Variants in OSGEPL1 observed in about 807,000 individuals in gnomAD.
The protein encoded by OSGEPL1 is O-sialoglycoprotein endopeptidase like 1.
A neutral mutation model predicts 37.2 loss-of-function variants in OSGEPL1; 26 were observed. The ratio of observed to expected loss-of-function variants is 0.70; its 90% CI spans 0.51 to 0.97. OSGEPL1 has a LOEUF of 0.97. OSGEPL1 is among the 50% of genes least tolerant of loss of function. OSGEPL1 has a pLI of 0.00. For missense variants in OSGEPL1, 404 were observed against 487.0 expected, an observed-to-expected ratio of 0.83 and a Z score of 1.60; for synonymous variants, 140 against 159.9, an observed-to-expected ratio of 0.88 and a Z score of 0.94.
intron 7 of OSGEPL1, among the ~76,000 whole-genome samples, chr2:189,750,893 G>A (rs1246929655): frequency 6.6e-6 from 1 of 152,098 alleles, no homozygotes; most frequent in Non-Finnish European, 1.5e-5. Context: ...CAGTTTTGCT[G>A]TTCTCAAATA....
At chr2:189,750,978 A>T (rs1054388639) in intron 7 of OSGEPL1, among the ~76,000 whole-genome samples, 1 of 152,372 alleles carries the variant, frequency 6.6e-6, no homozygotes, top group South Asian at 2.1e-4. Context: ...ACAAAGCTAA[A>T]AAGGTAAAAA....
intron 8 of OSGEPL1, 160 bp downstream of exon 8, chr2:189,750,390 T>C: frequency 2.4e-6 from 1 of 415,126 alleles, no homozygotes; most frequent in East Asian, 4.3e-5. Context: ...AAAAACTATC[T>C]TCCCTTGTAA....
chr2:189,748,225 CAG>C (rs1238905295), intron 8 of OSGEPL1, among the ~76,000 whole-genome samples: 1 of 152,118 alleles, frequency 6.6e-6, no homozygotes, highest in Non-Finnish European at 1.5e-5. Context: ...CTGTTTAAGA[CAG>C]GGTCTTGCTC....
At chr2:189,748,843 G>C (rs1353193023) in intron 8 of OSGEPL1, among the ~76,000 whole-genome samples, 6 of 152,154 alleles carry the variant, frequency 3.9e-5, no homozygotes, top group Non-Finnish European at 8.8e-5. Flanking sequence ...CAGGTTATCA[G>C]AGTTTCTTTG....
At chr2:189,750,777 G>T (rs2045046501) in intron 7 of OSGEPL1, 121 bp from the exon 8 acceptor site, 1 of 657,854 alleles carries the variant, frequency 1.5e-6, no homozygotes, top group African/African-American at 1.9e-5. Flanking sequence ...ATCATATGTG[G>T]TGATGATTCT....
intron 2 of OSGEPL1, among the ~76,000 whole-genome samples, chr2:189,755,795 G>C (rs116782323): frequency 0.017 from 2,516 of 152,232 alleles, 67 homozygotes; most frequent in African/African-American, 0.057. Context: ...CCATGGATTT[G>C]TTTGTTGACA....
In OSGEPL1 at chr2:189,761,629, C is replaced by CCT; in HGVS notation, c.11_12insAG (p.Thr5GlyfsTer20). ...TAAAAAAAACTCCTGCAGTCTTAGT[C>CCT]AAGATTAGCATACTTACTCTATAGA... On this transcript the variant is annotated frameshift_variant, in exon 2 of 9. Coordinates refer to ENST00000264151, the MANE Select transcript of OSGEPL1 (RefSeq NM_022353.3). LOFTEE classifies it high-confidence loss of function. 6.3e-7 allele frequency: 1 copy of CCT among 1,596,758 alleles called. No individual in the cohort carries two copies. The highest frequency in any genetic ancestry group is 8.5e-7 in the Non-Finnish European group (1 of 1,173,596).
In OSGEPL1 at chr2:189,755,543, G is replaced by A; in HGVS notation, c.239C>T (p.Pro80Leu). Residue 80 changes from proline to leucine, a missense_variant, in exon 3 of 9, where the codon CCT (proline) becomes CTT (leucine). Pro to Leu is a moderately conservative substitution (Grantham distance 98). Coordinates refer to ENST00000264151, the MANE Select transcript of OSGEPL1 (RefSeq NM_022353.3). ...EVHLKTGGIV[P>L]PAAQQLHREN... Reference sequence around the variant, plus strand: ...TCTGTGAAGCTGTTGAGCTGCTGGAGGAACAATCCCACCTGTTCTGAAAGA... The same window carrying A: ...TCTGTGAAGCTGTTGAGCTGCTGGAAGAACAATCCCACCTGTTCTGAAAGA... 3 of 1,596,344 alleles carry A rather than the reference G, an allele frequency of 1.9e-6. No individual in the cohort carries two copies. The highest frequency in any genetic ancestry group is 1.7e-6 in the Non-Finnish European group (2 of 1,175,426).
At chr2:189,752,563 T>TGAG in intron 7 of OSGEPL1, 90 bp downstream of exon 7, 1 of 1,209,934 alleles carries the variant, frequency 8.3e-7, no homozygotes, top group Non-Finnish European at 1.2e-6. Flanking sequence ...ACCACCAGAA[T>TGAG]GTCAATGAAA....
chr2:189,756,217 T>G (rs946147899), intron 2 of OSGEPL1, among the ~76,000 whole-genome samples: 3 of 152,102 alleles, frequency 2.0e-5, no homozygotes, highest in African/African-American at 7.2e-5. Context: ...TGAAATACAG[T>G]TTGGGAATCT....
intron 7 of OSGEPL1, among the ~76,000 whole-genome samples, chr2:189,751,943 C>T (rs1488108392): frequency 2.7e-5 from 4 of 150,460 alleles, no homozygotes; most frequent in African/African-American, 7.3e-5. Flanking sequence ...GCCTGGAGTT[C>T]GAGACCAGCC....
At chr2:189,751,397 T>C (rs891142625) in intron 7 of OSGEPL1, among the ~76,000 whole-genome samples, 8 of 151,830 alleles carry the variant, frequency 5.3e-5, no homozygotes, top group African/African-American at 9.7e-5. Context: ...ATGTAATTCA[T>C]ATATAGCACA....
rs754491095 is a variant in OSGEPL1 at position 189,754,082 on chromosome 2, TA to T, written c.815-19del. 6.2e-7 allele frequency: 1 copy of T among 1,612,064 alleles called. No individual in the cohort carries two copies. Among genetic ancestry groups the T allele is most frequent in the South Asian group, 1.1e-5 (1 of 90,980 alleles). On this transcript the variant is annotated intron_variant, in intron 4 of 8. Transcript: ENST00000264151. ...CTCAATACCTGCAGAAATGAGCAGCTATTTTTAGGCACAATCCAGGAATATT... is the reference window on the plus strand; with the variant it reads ...CTCAATACCTGCAGAAATGAGCAGCTTTTTTAGGCACAATCCAGGAATATT...
chr2:189,762,845 G>C, upstream of OSGEPL1: 1 of 985,448 alleles, frequency 1.0e-6, no homozygotes, highest in Non-Finnish European at 1.2e-6. Context: ...TTCCGCTAGC[G>C]AGCGGCATGC....
intron 5 of OSGEPL1, 136 bp from the exon 6 acceptor site, chr2:189,753,115 T>C (rs1243504204): frequency 1.1e-5 from 7 of 659,052 alleles, no homozygotes; most frequent in Non-Finnish European, 1.6e-5. Context: ...GCAGATGACA[T>C]ATCTATGTAA....
intron 2 of OSGEPL1, among the ~76,000 whole-genome samples, chr2:189,760,430 A>G (rs1379586431): frequency 6.6e-6 from 1 of 152,096 alleles, no homozygotes; most frequent in Admixed American, 6.5e-5. Flanking sequence ...GGCGCCCCCC[A>G]CCTCCCAAGA....
At chr2:189,754,936 C>T in intron 3 of OSGEPL1, 1 of 496,256 alleles carries the variant, frequency 2.0e-6, no homozygotes, top group Non-Finnish European at 3.4e-6. Context: ...ACTGTATCTG[C>T]AAACTATTTC....
At chr2:189,751,634 G>A (rs2045259395) in intron 7 of OSGEPL1, among the ~76,000 whole-genome samples, 2 of 150,634 alleles carry the variant, frequency 1.3e-5, no homozygotes, top group African/African-American at 2.4e-5. Context: ...CAGTAGAGAC[G>A]GGGTTTCACC....
intron 8 of OSGEPL1, among the ~76,000 whole-genome samples, chr2:189,748,622 T>C (rs919284688): frequency 6.6e-6 from 1 of 152,192 alleles, no homozygotes; most frequent in Non-Finnish European, 1.5e-5. Context: ...GACTGAAATA[T>C]AGGAAATGCG....
Sources: allele counts gnomAD v4.1 joint callset (sites outside exome capture counted in the v4.1 genomes callset), GRCh38; gene constraint gnomAD v4.1.1; transcripts MANE v1.5; gene names NCBI Gene and HGNC (gene_info 2026-07-23, HGNC 2026-07-21).